The following HDAC9 variants were observed in gnomAD, a reference collection of about 807,000 sequenced individuals.
HDAC9 encodes the protein MEF-2 interacting transcription repressor (MITR) protein.
In HDAC9, 41 loss-of-function variants were observed where a neutral mutation model predicts 139.4. The ratio of observed to expected loss-of-function variants is 0.29; its 90% confidence interval spans 0.23 to 0.38. The LOEUF (loss-of-function observed/expected upper bound fraction) is 0.38, where lower values mean the gene tolerates loss of function less well. Among genes scored for constraint, HDAC9 ranks in the 10% least tolerant of loss-of-function variants. HDAC9 has a pLI of 1.00. For synonymous variants in HDAC9, 517 were observed against 476.2 expected (o/e 1.09, Z -1.12); for missense variants, 1,147 against 1,297.0 (o/e 0.88, Z 1.78).
intron 2 of HDAC9, among the ~76,000 whole-genome samples, chr7:18,235,811 C>G (rs1219757485): frequency 6.6e-6 from 1 of 152,072 alleles, no homozygotes; most frequent in African/African-American, 2.4e-5. Context: ...GAGACAAAGA[C>G]TGATTATTTC....
chr7:18,880,765 C>G (rs1193599487), intron 22 of HDAC9, among the ~76,000 whole-genome samples: 1 of 142,152 alleles, frequency 7.0e-6, no homozygotes, highest in African/African-American at 2.6e-5. Flanking sequence ...ACCTATGTAA[C>G]AAACCTTCAC....
At chr7:18,257,684 CTT>C (rs1467739230) in intron 2 of HDAC9, among the ~76,000 whole-genome samples, 1 of 152,110 alleles carries the variant, frequency 6.6e-6, no homozygotes, top group Non-Finnish European at 1.5e-5. Context: ...AGAAATAAAT[CTT>C]TTCTGTAGGT....
chr7:18,494,652 A>G (rs911726650), upstream of HDAC9, among the ~76,000 whole-genome samples: 6 of 152,056 alleles, frequency 3.9e-5, no homozygotes, highest in Non-Finnish European at 8.8e-5. Flanking sequence ...GATACTATCT[A>G]CTGTACTGTA....
At chr7:18,333,267 A>G (rs549613024) in intron 1 of HDAC9, among the ~76,000 whole-genome samples, 1 of 151,602 alleles carries the variant, frequency 6.6e-6, no homozygotes, top group Admixed American at 6.6e-5. Context: ...TGGAGAGAGG[A>G]AATGGGGAGA....
chr7:18,975,849 C>G lies in HDAC9; in HGVS notation c.3066C>G (p.Gly1022=), dbSNP rs956780555. 1 of 1,613,870 alleles carries G rather than the reference C, an allele frequency of 6.2e-7. No individual in the cohort carries two copies. Among genetic ancestry groups the G allele is most frequent in the African/African-American group, 1.3e-5 (1 of 75,022 alleles). ...KSVRMVAVPR[G]CALAGAQLQE... Reference sequence around the variant, plus strand: ...TAAGGATGGTGGCTGTGCCAAGGGGCTGTGCTCTGGCTGGTGCTCAGTTGC... The same window carrying G: ...TAAGGATGGTGGCTGTGCCAAGGGGGTGTGCTCTGGCTGGTGCTCAGTTGC... The change falls in exon 25 of 26, where the codon GGC becomes GGG. Residue 1022 remains glycine, a synonymous_variant. Coordinates refer to ENST00000686413, the MANE Select transcript of HDAC9 (RefSeq NM_178425.4).
At chr7:18,169,231 C>G (rs1301305012) in intron 2 of HDAC9, among the ~76,000 whole-genome samples, 1 of 151,946 alleles carries the variant, frequency 6.6e-6, no homozygotes, top group African/African-American at 2.4e-5. Context: ...GCCACTGCAC[C>G]CAGCCTGCAA....
chr7:18,748,305 G>A (rs1025949908), intron 13 of HDAC9, among the ~76,000 whole-genome samples: 1 of 152,132 alleles, frequency 6.6e-6, no homozygotes, highest in African/African-American at 2.4e-5. Context: ...AAAGAAGATT[G>A]TATTCATTAG....
At chr7:18,306,998 A>G (rs1798956740) in intron 1 of HDAC9, among the ~76,000 whole-genome samples, 1 of 151,892 alleles carries the variant, frequency 6.6e-6, no homozygotes, top group Non-Finnish European at 1.5e-5. Flanking sequence ...TAACATTGTG[A>G]CATGTATTCT....
chr7:18,100,472 A>G (rs563350206), intron 1 of HDAC9, among the ~76,000 whole-genome samples: 1 of 151,824 alleles, frequency 6.6e-6, no homozygotes, highest in African/African-American at 2.4e-5. Context: ...CTGTTTGTTT[A>G]TTTTTATTTT....
rs116612681 is a variant in HDAC9 at position 18,496,654 on chromosome 7, A to G, written c.22+330A>G. The G allele has an allele frequency of 1.4e-3, 317 of 233,590 alleles. 1 individual carries two copies. The highest frequency in any genetic ancestry group is 6.5e-3 in the African/African-American group (291 of 44,480). The allele number at this position is 233,590 out of a possible 1,614,324, so 14.5% of individuals were successfully genotyped here. On this transcript the variant is annotated intron_variant, in intron 2 of 25. Transcript: ENST00000686413. The stretch of plus-strand genomic sequence containing the variant: ...GGAGCTGTGTACTGATTGTAAGCCT[A>G]TTCTAATAGGACTTTAAAAATCAGG...
At chr7:18,989,950 T>G (rs1354555670) in intron 25 of HDAC9, among the ~76,000 whole-genome samples, 1 of 151,714 alleles carries the variant, frequency 6.6e-6, no homozygotes, top group African/African-American at 2.4e-5. Flanking sequence ...TAGTTATACA[T>G]TCTTCTAAAT....
chr7:18,317,609 G>T (rs1799744155), intron 1 of HDAC9, among the ~76,000 whole-genome samples: 1 of 152,162 alleles, frequency 6.6e-6, no homozygotes, highest in South Asian at 2.1e-4. Flanking sequence ...GGCTCCAGTT[G>T]TTACTGATGG....
At chr7:18,421,759 C>T (rs1789639670) in intron 1 of HDAC9, among the ~76,000 whole-genome samples, 1 of 152,176 alleles carries the variant, frequency 6.6e-6, no homozygotes, top group Non-Finnish European at 1.5e-5. Context: ...TTAACCTTAG[C>T]TCACCACGTG....
intron 1 of HDAC9, among the ~76,000 whole-genome samples, chr7:18,403,456 T>C (rs1457405358): frequency 1.3e-5 from 2 of 152,198 alleles, no homozygotes; most frequent in Non-Finnish European, 2.9e-5. Flanking sequence ...CTGTTGCACT[T>C]GTTATTTTCC....
At chr7:18,255,024 A>T (rs1795142207) in intron 2 of HDAC9, among the ~76,000 whole-genome samples, 1 of 152,220 alleles carries the variant, frequency 6.6e-6, no homozygotes, top group South Asian at 2.1e-4. Flanking sequence ...GATAAAAGTG[A>T]CTTGTTTCAT....
intron 12 of HDAC9, among the ~76,000 whole-genome samples, chr7:18,723,435 T>C (rs1405523617): frequency 1.3e-5 from 2 of 152,210 alleles, no homozygotes; most frequent in Non-Finnish European, 2.9e-5. Context: ...CTTTGCTGTC[T>C]GTACAGTGCA....
At chr7:18,420,306 A>C (rs993732335) in intron 1 of HDAC9, among the ~76,000 whole-genome samples, 11 of 152,196 alleles carry the variant, frequency 7.2e-5, no homozygotes, top group Non-Finnish European at 1.5e-4. Context: ...TGCAGAAATC[A>C]CTGACTTCTC....
chr7:18,133,076 G>A (rs1205932056), intron 1 of HDAC9, among the ~76,000 whole-genome samples: 1 of 152,028 alleles, frequency 6.6e-6, no homozygotes, highest in African/African-American at 2.4e-5. Context: ...GTTTGTCAAG[G>A]AAAGCAAATC....
At chr7:18,326,360 T>C (rs1800444577) in intron 1 of HDAC9, among the ~76,000 whole-genome samples, 1 of 151,986 alleles carries the variant, frequency 6.6e-6, no homozygotes, top group African/African-American at 2.4e-5. Flanking sequence ...ATTTTTACAA[T>C]TTGTTTGGGG....
Sources: allele counts gnomAD v4.1 joint callset (sites outside exome capture counted in the v4.1 genomes callset), GRCh38; gene constraint gnomAD v4.1.1; transcripts MANE v1.5; gene names NCBI Gene and HGNC (gene_info 2026-07-23, HGNC 2026-07-21).